CDH8: variants seen among roughly 807,000 people sequenced by gnomAD.
The protein encoded by CDH8 is cadherin 8, also known as cadherin-8.
CDH8 carries 17 observed loss-of-function variants against 68.1 expected under a neutral mutation model. The observed-to-expected ratio is 0.25, with a 90% CI of 0.17 to 0.37. The LOEUF is 0.37. CDH8 is among the 10% of genes least tolerant of loss of function. CDH8 has a pLI of 1.00. For synonymous variants in CDH8, 372 were observed against 365.1 expected (o/e 1.02, Z -0.21); for missense variants, 763 against 999.3 (o/e 0.76, Z 3.19).
intron 8 of CDH8, among the ~76,000 whole-genome samples, chr16:61,778,610 T>A (rs1269031743): frequency 6.6e-6 from 1 of 152,174 alleles, no homozygotes; most frequent in East Asian, 1.9e-4. Context: ...TATGTCTCCA[T>A]CATTTTCTTA....
intron 2 of CDH8, among the ~76,000 whole-genome samples, chr16:61,927,790 A>G (rs1042294999): frequency 3.3e-5 from 5 of 152,250 alleles, no homozygotes; most frequent in African/African-American, 1.2e-4. Flanking sequence ...CAACATGGCT[A>G]CCGCATGATA....
intron 10 of CDH8, among the ~76,000 whole-genome samples, chr16:61,709,960 G>A (rs1006158104): frequency 6.6e-6 from 1 of 152,088 alleles, no homozygotes; most frequent in East Asian, 1.9e-4. Flanking sequence ...ATGAAGCCAC[G>A]TTCAAAATCA....
intron 2 of CDH8, among the ~76,000 whole-genome samples, chr16:61,978,330 T>C (rs977986891): frequency 1.3e-5 from 2 of 152,208 alleles, no homozygotes; most frequent in African/African-American, 4.8e-5. Context: ...TCCCTGACTA[T>C]GCTTGCTGAG....
intron 8 of CDH8, among the ~76,000 whole-genome samples, chr16:61,745,016 C>A (rs1959979571): frequency 6.8e-6 from 1 of 147,330 alleles, no homozygotes; most frequent in South Asian, 2.1e-4. Context: ...GCCATTTAGG[C>A]TGGTTTTCAT....
chr16:61,837,709 A>G (rs1313633053), intron 4 of CDH8, among the ~76,000 whole-genome samples: 1 of 152,066 alleles, frequency 6.6e-6, no homozygotes, highest in Non-Finnish European at 1.5e-5. Context: ...TGCAGACAAA[A>G]TAAGACAAAT....
chr16:61,912,903 CA>C (rs1964183522), intron 2 of CDH8, among the ~76,000 whole-genome samples: 1 of 152,010 alleles, frequency 6.6e-6, no homozygotes, highest in South Asian at 2.1e-4. Flanking sequence ...TGTATTCAAA[CA>C]ATCACAAACA....
At chr16:61,913,107 C>G (rs1434584225) in intron 2 of CDH8, among the ~76,000 whole-genome samples, 1 of 152,042 alleles carries the variant, frequency 6.6e-6, no homozygotes, top group Non-Finnish European at 1.5e-5. Context: ...TTTTAGAAAA[C>G]TTCAACAATT....
At chr16:61,976,148 A>C (rs1329666274) in intron 2 of CDH8, among the ~76,000 whole-genome samples, 1 of 152,194 alleles carries the variant, frequency 6.6e-6, no homozygotes, top group Non-Finnish European at 1.5e-5. Context: ...TCCTCAGAGA[A>C]AATGCTCTAG....
intron 8 of CDH8, among the ~76,000 whole-genome samples, chr16:61,774,317 C>G (rs78097784): frequency 6.6e-6 from 1 of 151,900 alleles, no homozygotes; most frequent in African/African-American, 2.4e-5. Flanking sequence ...CTGCCAGCAC[C>G]TTTCTCATGG....
In CDH8 at chr16:61,943,305, CACTAACATT is replaced by C. The variant is rs975259716; in HGVS notation, c.253-41841_253-41833del. On this transcript the variant is annotated intron_variant, in intron 2 of 11. Transcript: ENST00000577390. Reference sequence around the variant, plus strand: ...TATTTCAGCACCTAGAAGAGTGGCTCACTAACATTACGTGTTGCGTGGTAGATTGCTGAA... The same window carrying C: ...TATTTCAGCACCTAGAAGAGTGGCTCACGTGTTGCGTGGTAGATTGCTGAA... Among the ~76,000 whole-genome samples the C allele has an allele frequency of 6.5e-3, 997 of 152,270 alleles. 6 individuals are homozygous for C. The highest frequency in any genetic ancestry group is 0.023 in the African/African-American group (960 of 41,544).
chr16:61,919,793 C>T (rs1212891623), intron 2 of CDH8, among the ~76,000 whole-genome samples: 1 of 152,070 alleles, frequency 6.6e-6, no homozygotes, highest in South Asian at 2.1e-4. Context: ...GGCCAACGAA[C>T]AAAGAACAAA....
intron 8 of CDH8, among the ~76,000 whole-genome samples, chr16:61,740,055 A>G (rs1024195862): frequency 6.6e-6 from 1 of 151,140 alleles, no homozygotes; most frequent in African/African-American, 2.4e-5. Context: ...CTACAGGCGC[A>G]TGCCACCACG....
chr16:61,998,143 T>A (rs532719112), intron 2 of CDH8, among the ~76,000 whole-genome samples: 3 of 152,170 alleles, frequency 2.0e-5, no homozygotes, highest in Non-Finnish European at 4.4e-5. Flanking sequence ...TGGAAAAAGG[T>A]TTAGAAGAAA....
chr16:61,977,738 AC>A (rs1425964714), intron 2 of CDH8, among the ~76,000 whole-genome samples: 1 of 152,158 alleles, frequency 6.6e-6, no homozygotes, highest in African/African-American at 2.4e-5. Context: ...TTCCCATAAG[AC>A]ATCTGAACTC....
chr16:61,874,435 C>T (rs1186471401), intron 3 of CDH8, among the ~76,000 whole-genome samples: 1 of 151,816 alleles, frequency 6.6e-6, no homozygotes, highest in Non-Finnish European at 1.5e-5. Flanking sequence ...AGGTTCAGGC[C>T]ATTCTCCTGC....
intron 2 of CDH8, among the ~76,000 whole-genome samples, chr16:61,984,565 T>C (rs1276143729): frequency 1.3e-5 from 2 of 151,992 alleles, no homozygotes; most frequent in East Asian, 3.9e-4. Flanking sequence ...GCTAGGATCA[T>C]AGGCATGCAC....
rs1272998683 is a variant in CDH8 at position 61,960,329 on chromosome 16, GTA to G, written c.253-58858_253-58857del. ...TATACACACATATATACGTGTGTGT[GTA>G]TACACACATATATACATGTGTGTGT... On this transcript the variant is annotated intron_variant, in intron 2 of 11. Transcript: ENST00000577390. Among the ~76,000 whole-genome samples the G allele has an allele frequency of 4.9e-5, 4 of 82,258 alleles. 1 individual carries two copies. The highest frequency in any genetic ancestry group is 2.2e-4 in the African/African-American group (3 of 13,584). 54.0% of individuals were successfully genotyped at this position (82,258 alleles called of 152,430 possible).
Position 61,652,847 on chromosome 16 carries a change from C to T in CDH8, c.*761G>A, listed in dbSNP as rs1269698064. 1 of 1,522,210 alleles carries T rather than the reference C, an allele frequency of 6.6e-7. No homozygotes were observed. The allele number at this position is 1,522,210 out of a possible 1,614,324, so 94.3% of individuals were successfully genotyped here. ...TAGTCCACTGTGTGATACAGTTTAT[C>T]TTTGTGTCCTTGTGGAAGAAGATGA... On this transcript the variant is annotated 3_prime_UTR_variant, in exon 12 of 12. Coordinates refer to ENST00000577390, the MANE Select transcript of CDH8 (RefSeq NM_001796.5).
chr16:61,823,492 A>C (rs1962261622), intron 5 of CDH8, among the ~76,000 whole-genome samples: 2 of 151,848 alleles, frequency 1.3e-5, no homozygotes, highest in African/African-American at 2.4e-5. Flanking sequence ...ACACTCATAC[A>C]CTTTTCTCTG....
Sources: allele counts gnomAD v4.1 joint callset (sites outside exome capture counted in the v4.1 genomes callset), GRCh38; gene constraint gnomAD v4.1.1; transcripts MANE v1.5; gene names NCBI Gene and HGNC (gene_info 2026-07-23, HGNC 2026-07-21).